LYPLAL1: variants seen among roughly 807,000 people sequenced by gnomAD.
LYPLAL1 encodes lysophospholipase-like protein 1.
In LYPLAL1, 23 loss-of-function variants were observed where a neutral mutation model predicts 19.7. That is an observed-to-expected ratio of 1.17 (90% CI 0.84 to 1.65). The LOEUF (loss-of-function observed/expected upper bound fraction) is 1.65, where lower values mean the gene tolerates loss of function less well. LYPLAL1 is among the 40% of genes most tolerant of loss of function. LYPLAL1 has a pLI of 0.00. For synonymous variants in LYPLAL1, 119 were observed against 96.3 expected (o/e 1.24, Z -1.38); for missense variants, 355 against 279.4 (o/e 1.27, Z -1.93).
the LYPLAL1 span, among the ~76,000 whole-genome samples, chr1:219,421,727 GAGA>G: frequency 2.0e-5 from 3 of 152,098 alleles, no homozygotes; most frequent in African/African-American, 2.4e-5. Flanking sequence ...GGAATAAAAG[GAGA>G]AGGAGGATAG....
the LYPLAL1 span, among the ~76,000 whole-genome samples, chr1:219,298,722 A>C: frequency 1.3e-5 from 2 of 152,270 alleles, no homozygotes; most frequent in Non-Finnish European, 2.9e-5. Context: ...AAAAAGAAGC[A>C]GACCTGGAGT....
At chr1:219,367,015 T>C in the LYPLAL1 span, among the ~76,000 whole-genome samples, 1 of 152,142 alleles carries the variant, frequency 6.6e-6, no homozygotes, top group Non-Finnish European at 1.5e-5. Flanking sequence ...AACTTTATTA[T>C]TAACAGTGTT....
chr1:219,360,103 T>G, the LYPLAL1 span, among the ~76,000 whole-genome samples: 1 of 152,174 alleles, frequency 6.6e-6, no homozygotes, highest in Non-Finnish European at 1.5e-5. Context: ...CTCCACATGT[T>G]AAGAAAATCC....
At chr1:219,298,171 A>G in the LYPLAL1 span, among the ~76,000 whole-genome samples, 1 of 152,104 alleles carries the variant, frequency 6.6e-6, no homozygotes, top group Non-Finnish European at 1.5e-5. Context: ...TTTGTCAGGC[A>G]TGGTGGTGTG....
At chr1:219,295,210 C>T in the LYPLAL1 span, among the ~76,000 whole-genome samples, 36 of 152,306 alleles carry the variant, frequency 2.4e-4, no homozygotes, top group African/African-American at 8.4e-4. Context: ...CCTACATATG[C>T]TGCCTTCTGT....
chr1:219,263,060 T>A, the LYPLAL1 span, among the ~76,000 whole-genome samples: 1 of 152,114 alleles, frequency 6.6e-6, no homozygotes, highest in Non-Finnish European at 1.5e-5. Flanking sequence ...GTTTCTCAGG[T>A]AATGGGCAGG....
chr1:219,308,603 C>T, the LYPLAL1 span, among the ~76,000 whole-genome samples: 18 of 152,230 alleles, frequency 1.2e-4, no homozygotes, highest in Admixed American at 2.6e-4. Flanking sequence ...GGCTGGAAGG[C>T]GCCAACGTAG....
At chr1:219,268,403 C>T in the LYPLAL1 span, among the ~76,000 whole-genome samples, 1 of 152,224 alleles carries the variant, frequency 6.6e-6, no homozygotes, top group South Asian at 2.1e-4. Flanking sequence ...GGTGCTAAGG[C>T]CTCTAAACAT....
At chr1:219,374,071 T>A in the LYPLAL1 span, among the ~76,000 whole-genome samples, 3 of 152,006 alleles carry the variant, frequency 2.0e-5, no homozygotes, top group Non-Finnish European at 4.4e-5. Flanking sequence ...TTTCCACTTT[T>A]TTCTACTCAA....
the LYPLAL1 span, among the ~76,000 whole-genome samples, chr1:219,300,129 A>G: frequency 6.6e-6 from 1 of 152,088 alleles, no homozygotes; most frequent in Non-Finnish European, 1.5e-5. Flanking sequence ...GTCTACAGGC[A>G]AGTGCCACTA....
chr1:219,381,107 C>A, the LYPLAL1 span, among the ~76,000 whole-genome samples: 1 of 152,110 alleles, frequency 6.6e-6, no homozygotes, highest in African/African-American at 2.4e-5. Flanking sequence ...ATAATTCCCA[C>A]GCATCATGAG....
intron 2 of LYPLAL1, 134 bp downstream of exon 2, chr1:219,179,380 G>T: frequency 1.4e-6 from 1 of 702,406 alleles, no homozygotes. Flanking sequence ...TTTGTCCCCA[G>T]AATGTATTCT....
the LYPLAL1 span, among the ~76,000 whole-genome samples, chr1:219,259,036 G>A: frequency 6.6e-6 from 1 of 151,786 alleles, no homozygotes; most frequent in Admixed American, 6.6e-5. Context: ...CTAATTATCA[G>A]GGAAATGCAA....
the LYPLAL1 span, among the ~76,000 whole-genome samples, chr1:219,350,201 T>C: frequency 1.3e-5 from 2 of 152,206 alleles, no homozygotes; most frequent in Non-Finnish European, 2.9e-5. Flanking sequence ...ATGTTTTCCA[T>C]TCAGATCGAT....
the LYPLAL1 span, among the ~76,000 whole-genome samples, chr1:219,396,163 T>C: frequency 6.6e-6 from 1 of 151,978 alleles, no homozygotes; most frequent in African/African-American, 2.4e-5. Flanking sequence ...TAGTCAGTTA[T>C]CCCAGCATCA....
At chr1:219,344,227 A>G in the LYPLAL1 span, among the ~76,000 whole-genome samples, 1 of 152,152 alleles carries the variant, frequency 6.6e-6, no homozygotes, top group East Asian at 1.9e-4. Flanking sequence ...GCAGTTGTTC[A>G]CTCAAAGAAA....
the LYPLAL1 span, among the ~76,000 whole-genome samples, chr1:219,424,168 A>G: frequency 6.6e-6 from 1 of 152,058 alleles, no homozygotes; most frequent in Non-Finnish European, 1.5e-5. Flanking sequence ...TTGTGAGGGA[A>G]GGTAGACTTA....
chr1:219,205,752 C>G (rs1428428065), intron 3 of LYPLAL1, among the ~76,000 whole-genome samples: 1 of 152,150 alleles, frequency 6.6e-6, no homozygotes, highest in Non-Finnish European at 1.5e-5. Flanking sequence ...CTCTATAGCC[C>G]AGCTGGGAGC....
the LYPLAL1 span, among the ~76,000 whole-genome samples, chr1:219,293,452 C>T: frequency 2.0e-5 from 3 of 152,002 alleles, no homozygotes; most frequent in Admixed American, 6.6e-5. Context: ...TCTCTCCCCC[C>T]AGCTCTCTCC....
Sources: gnomAD v4.1 joint callset for allele counts (sites outside exome capture counted in the v4.1 genomes callset) on GRCh38, gnomAD v4.1.1 for gene constraint, MANE v1.5 for transcripts, NCBI Gene and HGNC (gene_info 2026-07-23, HGNC 2026-07-21) for gene names.